OVOL2: variants seen among roughly 807,000 people sequenced by gnomAD.
The protein encoded by OVOL2 is transcription factor Ovo-like 2.
In OVOL2, 13 loss-of-function variants were observed where a neutral mutation model predicts 18.1. The ratio of observed to expected loss-of-function variants is 0.72; its 90% confidence interval spans 0.47 to 1.14. The LOEUF (loss-of-function observed/expected upper bound fraction) is 1.14. Ranked by LOEUF, OVOL2 falls within the 50% of genes most tolerant of loss-of-function variation. The pLI is 0.00. For synonymous variants in OVOL2, 166 were observed against 162.7 expected (o/e 1.02, Z -0.16); for missense variants, 335 against 383.0 (o/e 0.87, Z 1.05).
intron 3 of OVOL2, among the ~76,000 whole-genome samples, chr20:18,034,626 T>TTCTTTCTC (rs2036598638): frequency 7.2e-6 from 1 of 138,052 alleles, no homozygotes; most frequent in African/African-American, 2.9e-5. Flanking sequence ...CTTCCCCTCT[T>TTCTTTCTC]TCTCTCTCTC....
chr20:18,027,235 C>T (rs568698742), intron 3 of OVOL2, among the ~76,000 whole-genome samples: 2 of 152,008 alleles, frequency 1.3e-5, no homozygotes, highest in African/African-American at 4.8e-5. Flanking sequence ...CTTTAAGAAA[C>T]GAATTGGCTG....
In OVOL2 at chr20:18,028,236, G is replaced by A. The variant is rs79759692; in HGVS notation, c.512-3284C>T. Among the ~76,000 whole-genome samples, 533 of 151,934 alleles carry A rather than the reference G, an allele frequency of 3.5e-3. 7 individuals carry two copies. Among genetic ancestry groups the A allele is most frequent in the African/African-American group, 0.012 (516 of 41,452 alleles). On this transcript the variant is annotated intron_variant, in intron 3 of 3. Transcript: ENST00000278780. ...CTATCACTCAGGCTGAAGTGCAGTGGCATAATCTTGGCTCACTGCAACCTC... is the reference window on the plus strand; with the variant it reads ...CTATCACTCAGGCTGAAGTGCAGTGACATAATCTTGGCTCACTGCAACCTC...
rs1170013836 is a variant in OVOL2, at chr20:18,056,339, C to T, written c.321+318G>A. Among the ~76,000 whole-genome samples the T allele has an allele frequency of 2.6e-5, 4 of 152,376 alleles. No individual in the cohort carries two copies. In the East Asian group the frequency reaches 7.7e-4, roughly 29 times the overall value. On this transcript the variant is annotated intron_variant, in intron 2 of 3. Coordinates refer to ENST00000278780, the MANE Select transcript of OVOL2 (RefSeq NM_021220.4). This position sits in a 1 kb window ranked among gnomAD's most constrained non-coding sequence, Gnocchi z 4.2. ...CTACAGGCCTAGCGCACAGAACGGGCTGCTGGCGGAAGGCAGTGATGCCTG... is the reference window on the plus strand; with the variant it reads ...CTACAGGCCTAGCGCACAGAACGGGTTGCTGGCGGAAGGCAGTGATGCCTG...
At chr20:18,034,005 C>A (rs1651274909) in intron 3 of OVOL2, among the ~76,000 whole-genome samples, 1 of 152,084 alleles carries the variant, frequency 6.6e-6, no homozygotes, top group South Asian at 2.1e-4. Flanking sequence ...AAGCTCATGT[C>A]CCCTCTCTCT....
Position 18,055,492 on chromosome 20 carries a change from C to T in OVOL2, c.321+1165G>A, listed in dbSNP as rs531077891. On this transcript the variant is annotated intron_variant, in intron 2 of 3. Transcript: ENST00000278780. Reference sequence around the variant, plus strand: ...TCACACTTACCGCTAAGCTGCCGGCCCGCACGGTTTCGGCAGCTTCTTCTT... The same window carrying T: ...TCACACTTACCGCTAAGCTGCCGGCTCGCACGGTTTCGGCAGCTTCTTCTT... Among the ~76,000 whole-genome samples, 27 of 152,296 alleles carry T rather than the reference C, an allele frequency of 1.8e-4. No individual in the cohort carries two copies. In the South Asian group the frequency reaches 5.4e-3, roughly 30 times the overall value.
intron 3 of OVOL2, among the ~76,000 whole-genome samples, chr20:18,037,735 G>C (rs926279450): frequency 8.5e-5 from 13 of 152,144 alleles, no homozygotes; most frequent in African/African-American, 3.1e-4. Context: ...AGCAACCTGG[G>C]GTGCATTCTA....
At chr20:18,040,864 G>A (rs939808917) in intron 3 of OVOL2, among the ~76,000 whole-genome samples, 3 of 152,186 alleles carry the variant, frequency 2.0e-5, no homozygotes, top group African/African-American at 4.8e-5. Flanking sequence ...TGTCCCAAGA[G>A]AGAAGTATAA....
At position 18,057,499 on chromosome 20, in the gene OVOL2, G is replaced by A. The variant is rs115874782; in HGVS notation, c.100+36C>T. 6 of 1,543,876 alleles carry A rather than the reference G, an allele frequency of 3.9e-6. No homozygotes were observed. Among genetic ancestry groups the A allele is most frequent in the African/African-American group, 2.8e-5 (2 of 72,280 alleles). ...CGCCACCCCTTCCCCCACCCCGGGAGCCCAGCGCCCAGGCCCGGCCCCCGC... is the reference window on the plus strand; with the variant it reads ...CGCCACCCCTTCCCCCACCCCGGGAACCCAGCGCCCAGGCCCGGCCCCCGC... On this transcript the variant is annotated intron_variant, in intron 1 of 3. Coordinates refer to ENST00000278780, the MANE Select transcript of OVOL2 (RefSeq NM_021220.4). This position sits in a 1 kb window ranked among gnomAD's most constrained non-coding sequence, Gnocchi z 6.3.
intron 3 of OVOL2, among the ~76,000 whole-genome samples, chr20:18,025,936 G>A (rs1360993775): frequency 6.6e-6 from 1 of 152,272 alleles, no homozygotes; most frequent in Non-Finnish European, 1.5e-5. Flanking sequence ...AGGCAGAGGT[G>A]CAGGGGTGGA....
chr20:18,054,807 G>GAA (rs2036804349), intron 2 of OVOL2, among the ~76,000 whole-genome samples: 1 of 143,632 alleles, frequency 7.0e-6, no homozygotes, highest in Non-Finnish European at 1.5e-5. Context: ...GAAAAGAAAA[G>GAA]AAACTAATTC....
chr20:18,031,559 G>A (rs1205252), intron 3 of OVOL2, among the ~76,000 whole-genome samples: 87,163 of 151,976 alleles, frequency 0.57, 25,179 homozygotes, highest in African/African-American at 0.59. Context: ...CCTGGGTAAC[G>A]GAGCGAGACT....
In OVOL2 at chr20:18,056,738, T is replaced by C; in HGVS notation, c.240A>G (p.Glu80=). The change falls in exon 2 of 4, where the codon GAA becomes GAG. Residue 80 remains glutamate (E), a synonymous_variant. Coordinates refer to ENST00000278780, the MANE Select transcript of OVOL2 (RefSeq NM_021220.4). This position sits in a 1 kb window ranked among gnomAD's most constrained non-coding sequence, Gnocchi z 4.2. ...CCTCGGCGTCGCCGGGCTCGGGGGTTTCGCTCTCGGGGGCGTGCGGGGACG... is the reference window on the plus strand; with the variant it reads ...CCTCGGCGTCGCCGGGCTCGGGGGTCTCGCTCTCGGGGGCGTGCGGGGACG... ...SSSSPHAPES[E]TPEPGDAEGP... is the part of the protein sequence containing the mutation. 6.7e-7 allele frequency: 1 copy of C among 1,484,388 alleles called. No homozygotes were observed. Among genetic ancestry groups the C allele is most frequent in the Admixed American group, 2.5e-5 (1 of 39,966 alleles). 92.0% of individuals were successfully genotyped at this position (1,484,388 alleles called of 1,614,324 possible).
chr20:18,030,652 T>A (rs1027764132), intron 3 of OVOL2, among the ~76,000 whole-genome samples: 5 of 150,572 alleles, frequency 3.3e-5, no homozygotes, highest in African/African-American at 1.2e-4. Context: ...ACAAGAGAGA[T>A]GATGGCAGTG....
chr20:18,025,433 G>A (rs1323868526), intron 3 of OVOL2, among the ~76,000 whole-genome samples: 1 of 152,046 alleles, frequency 6.6e-6, no homozygotes, highest in Non-Finnish European at 1.5e-5. Context: ...GCCAGGCATG[G>A]TGGCGCGCAC....
At chr20:18,032,538 ACT>A (rs2036581398) in intron 3 of OVOL2, among the ~76,000 whole-genome samples, 1 of 151,894 alleles carries the variant, frequency 6.6e-6, no homozygotes, top group African/African-American at 2.4e-5. Flanking sequence ...ATGGAGTCTC[ACT>A]CTGTTGCCCA....
upstream of OVOL2, chr20:18,059,055 A>C (rs2036855387): frequency 6.6e-6 from 1 of 152,158 alleles, no homozygotes; most frequent in Non-Finnish European, 1.5e-5. Flanking sequence ...CTGGAGCCCA[A>C]GGCTCACCCA....
intron 2 of OVOL2, among the ~76,000 whole-genome samples, chr20:18,042,432 G>A (rs1429463289): frequency 6.6e-6 from 1 of 152,080 alleles, no homozygotes; most frequent in Non-Finnish European, 1.5e-5. Flanking sequence ...CGTCCCCGTA[G>A]TAAAGAGCGA....
rs979252213 is a variant in OVOL2 at position 18,025,024 on chromosome 20, G to A, written c.512-72C>T. 2.1e-5 allele frequency: 32 copies of A among 1,504,576 alleles called. No homozygotes were observed. The African/African-American group carries it at 4.3e-4, about 20-fold the overall frequency. 93.2% of individuals were successfully genotyped at this position (1,504,576 alleles called of 1,614,324 possible). On this transcript the variant is annotated intron_variant, in intron 3 of 3. Transcript: ENST00000278780. ...CCAGAACCACCCAACTATGAAGCCA[G>A]TAAAAGTCATGCCATGACCAAGGAT... is the stretch of plus-strand genomic sequence containing the variant.
intron 3 of OVOL2, among the ~76,000 whole-genome samples, chr20:18,035,505 GAAT>G (rs1464146595): frequency 6.6e-6 from 1 of 152,206 alleles, no homozygotes; most frequent in African/African-American, 2.4e-5. Context: ...AATTCCCACT[GAAT>G]TCAAGTAAGG....
Sources: allele counts gnomAD v4.1 joint callset (sites outside exome capture counted in the v4.1 genomes callset), GRCh38; gene constraint gnomAD v4.1.1; non-coding constraint Gnocchi (gnomAD v3.1); transcripts MANE v1.5; gene names NCBI Gene and HGNC (gene_info 2026-07-23, HGNC 2026-07-21).